The following CPED1 variants were observed in gnomAD, a reference collection of about 807,000 sequenced individuals.
CPED1 encodes cadherin like and PC-esterase domain containing 1.
In CPED1, 114 loss-of-function variants were observed where a neutral mutation model predicts 128.2. That is an observed-to-expected ratio of 0.89 (90% CI 0.76 to 1.04). CPED1 has a LOEUF of 1.04. Among genes scored for constraint, CPED1 ranks in the 50% least tolerant of loss-of-function variants. The pLI is 0.00. For missense variants in CPED1, 1,211 were observed against 1,207.1 expected, an observed-to-expected ratio of 1.00 and a Z score of -0.05; for synonymous variants, 462 against 426.7, an observed-to-expected ratio of 1.08 and a Z score of -1.02.
At position 120,989,829 on chromosome 7, in the gene CPED1, C is replaced by T; in HGVS notation, c.208C>T (p.Gln70Ter). 6.2e-7 allele frequency: 1 copy of T among 1,614,158 alleles called. No individual in the cohort carries two copies. The highest frequency in any genetic ancestry group is 8.5e-7 in the Non-Finnish European group (1 of 1,180,036). ...CAAGAAAGGATTCTCTCAGGACAAACAGTGCTTCCTTCTCTCTGGTAATGC... is the reference window on the plus strand; with the variant it reads ...CAAGAAAGGATTCTCTCAGGACAAATAGTGCTTCCTTCTCTCTGGTAATGC... ...RCKKGFSQDK[Q>*]CFLLSGNAQE... The change falls in exon 2 of 23, where the codon CAG becomes TAG. Residue 70 changes from glutamine to a stop codon, truncating the protein, a stop_gained. Transcript: ENST00000310396. LOFTEE classifies it high-confidence loss of function.
At chr7:121,156,278 G>T (rs1584554416) in intron 16 of CPED1, among the ~76,000 whole-genome samples, 1 of 152,130 alleles carries the variant, frequency 6.6e-6, no homozygotes, top group East Asian at 1.9e-4. Context: ...GAACAGTATG[G>T]AGGTTCCTCA....
intron 3 of CPED1, among the ~76,000 whole-genome samples, chr7:121,039,578 GA>G (rs1322930517): frequency 2.6e-5 from 4 of 151,948 alleles, no homozygotes; most frequent in Non-Finnish European, 5.9e-5. Context: ...CAGACATTTA[GA>G]AATTTCGTAA....
chr7:121,248,483 C>T (rs574728563), intron 18 of CPED1, among the ~76,000 whole-genome samples: 6 of 151,556 alleles, frequency 4.0e-5, no homozygotes, highest in African/African-American at 1.5e-4. Flanking sequence ...CAGAGGAGCC[C>T]TGTGGCTGAG....
chr7:121,241,464 C>CATCTCTCCTAAAT (rs1350907630), intron 17 of CPED1, among the ~76,000 whole-genome samples: 1 of 149,806 alleles, frequency 6.7e-6, no homozygotes, highest in Admixed American at 6.7e-5. Context: ...CAAAAACCAG[C>CATCTCTCCTAAAT]ATCTCTCCTA....
chr7:121,223,467 C>T (rs1797932924), intron 16 of CPED1, among the ~76,000 whole-genome samples: 1 of 152,086 alleles, frequency 6.6e-6, no homozygotes, highest in South Asian at 2.1e-4. Context: ...TGATGCTGGC[C>T]TCATAAAATG....
rs1439738298 is a variant in CPED1, at chr7:121,244,340, T to C, written c.2310+2T>C. ...CAGCAGTGCCTGGGAGGAAGGAAGG[T>C]AGGTTCTGGATCTAGTGGGGGAAGC... On this transcript the variant is annotated splice_donor_variant, in intron 18 of 22. Transcript: ENST00000310396. LOFTEE classifies it high-confidence loss of function. 1 of 1,614,002 alleles carries C rather than the reference T, an allele frequency of 6.2e-7. No individual in the cohort carries two copies. The highest frequency in any genetic ancestry group is 8.5e-7 in the Non-Finnish European group (1 of 1,179,954).
Position 121,038,678 on chromosome 7 carries a change from G to A in CPED1, c.434-8209G>A, listed in dbSNP as rs79805376. Among the ~76,000 whole-genome samples the A allele has an allele frequency of 4.4e-3, 670 of 151,710 alleles. 5 individuals carry two copies. The highest frequency in any genetic ancestry group is 0.015 in the African/African-American group (630 of 41,356). On this transcript the variant is annotated intron_variant, in intron 3 of 22. Transcript: ENST00000310396. ...TTTTCTGTTTCAAAAATCCCATCTAGTATACCATATTACATTTAGTCATCG... is the reference window on the plus strand; with the variant it reads ...TTTTCTGTTTCAAAAATCCCATCTAATATACCATATTACATTTAGTCATCG...
At chr7:121,020,098 A>G (rs1196643147) in intron 3 of CPED1, among the ~76,000 whole-genome samples, 1 of 152,058 alleles carries the variant, frequency 6.6e-6, no homozygotes, top group African/African-American at 2.4e-5. Context: ...TGAAAAGGAT[A>G]TACAAATAAA....
chr7:121,226,380 G>A (rs910269251), intron 16 of CPED1, among the ~76,000 whole-genome samples: 5 of 151,988 alleles, frequency 3.3e-5, no homozygotes, highest in African/African-American at 1.2e-4. Flanking sequence ...GACCGGAGCT[G>A]TTCCTGTTCA....
chr7:121,211,561 A>AGCAGGGTTCCAGAACAGCTATGGACCAAT, intron 16 of CPED1, among the ~76,000 whole-genome samples: 1 of 151,700 alleles, frequency 6.6e-6, no homozygotes, highest in Admixed American at 6.6e-5. Flanking sequence ...TGATTGGGAC[A>AGCAGGGTTCCAGAACAGCTATGGACCAAT]GCAGACACGT....
chr7:121,211,123 A>G (rs544633562), intron 16 of CPED1, among the ~76,000 whole-genome samples: 1 of 152,214 alleles, frequency 6.6e-6, no homozygotes, highest in East Asian at 1.9e-4. Flanking sequence ...TATTTCCATA[A>G]ACTTTTTAGA....
intron 17 of CPED1, among the ~76,000 whole-genome samples, chr7:121,241,964 T>C (rs951180054): frequency 6.6e-6 from 1 of 152,210 alleles, no homozygotes; most frequent in African/African-American, 2.4e-5. Context: ...TACTGATTTC[T>C]GAGCCCCATC....
At position 121,071,381 on chromosome 7, in the gene CPED1, G is replaced by A. The variant is rs73723410; in HGVS notation, c.616+7068G>A. Reference sequence around the variant, plus strand: ...ATTCCCTTAGCCCTTGGTAACTTTAGCTGCCATTTTCCCTCACAAAACAGA... The same window carrying A: ...ATTCCCTTAGCCCTTGGTAACTTTAACTGCCATTTTCCCTCACAAAACAGA... On this transcript the variant is annotated intron_variant, in intron 5 of 22. Transcript: ENST00000310396. 6.3e-3 allele frequency among the ~76,000 whole-genome samples: 954 copies of A among 152,066 alleles called. 11 individuals carry two copies. Among genetic ancestry groups the A allele is most frequent in the African/African-American group, 0.022 (910 of 41,448 alleles).
intron 16 of CPED1, 151 bp downstream of exon 16, chr7:121,142,292 T>C: frequency 1.5e-6 from 1 of 679,540 alleles, no homozygotes; most frequent in South Asian, 2.1e-5. Context: ...CCCAGCCAGG[T>C]ATCTAAGTCA....
chr7:121,075,189 T>A (rs1237818555), intron 5 of CPED1, among the ~76,000 whole-genome samples: 2 of 152,092 alleles, frequency 1.3e-5, no homozygotes, highest in African/African-American at 4.8e-5. Flanking sequence ...AACAGGAGGT[T>A]TTATTTTATT....
intron 13 of CPED1, among the ~76,000 whole-genome samples, chr7:121,134,283 TGACATA>T (rs1795738918): frequency 6.6e-6 from 1 of 152,038 alleles, no homozygotes; most frequent in Admixed American, 6.6e-5. Flanking sequence ...TTGTTATTTG[TGACATA>T]GATAGTCCTG....
chr7:121,116,941 ACTCTCT>A (rs200040453), intron 7 of CPED1, among the ~76,000 whole-genome samples: 37 of 129,496 alleles, frequency 2.9e-4, no homozygotes, highest in East Asian at 1.3e-3. Context: ...CAACATAGAA[ACTCTCT>A]CTCTCTCTCT....
intron 2 of CPED1, among the ~76,000 whole-genome samples, chr7:120,996,687 A>G (rs559275552): frequency 1.2e-4 from 18 of 152,162 alleles, no homozygotes; most frequent in Non-Finnish European, 2.6e-4. Flanking sequence ...GGCTATGTAA[A>G]GTGGAATTTT....
intron 2 of CPED1, among the ~76,000 whole-genome samples, chr7:120,996,490 T>G (rs746569212): frequency 3.9e-5 from 6 of 152,162 alleles, no homozygotes; most frequent in Non-Finnish European, 7.3e-5. Flanking sequence ...GCTTGCATGT[T>G]GCTTCCTCTT....
Sources: allele counts gnomAD v4.1 joint callset (sites outside exome capture counted in the v4.1 genomes callset), GRCh38; gene constraint gnomAD v4.1.1; transcripts MANE v1.5; gene names NCBI Gene and HGNC (gene_info 2026-07-23, HGNC 2026-07-21).